ZDHHC8: variants seen among roughly 807,000 people sequenced by gnomAD.
The protein encoded by ZDHHC8 is palmitoyltransferase ZDHHC8.
A neutral mutation model predicts 61.2 loss-of-function variants in ZDHHC8; 24 were observed. The observed-to-expected ratio is 0.39, with a 90% CI of 0.28 to 0.55. The LOEUF (loss-of-function observed/expected upper bound fraction) is 0.55. Among genes scored for constraint, ZDHHC8 ranks in the 20% least tolerant of loss-of-function variants. The pLI is 0.60. For missense variants in ZDHHC8, 935 were observed against 1,102.1 expected (o/e 0.85, Z 2.15); for synonymous variants, 523 against 492.5 (o/e 1.06, Z -0.82).
At chr22:20,139,937 C>T (rs374432687) in intron 4 of ZDHHC8, 45 bp downstream of exon 4, 37 of 1,601,496 alleles carry the variant, frequency 2.3e-5, no homozygotes, top group African/African-American at 2.3e-4. Flanking sequence ...CGATGTGGAC[C>T]GGGGACACGT....
rs570802394 is a variant in ZDHHC8 at position 20,142,580 on chromosome 22, C to T, written c.1126-176C>T. Among the ~76,000 whole-genome samples the T allele has an allele frequency of 2.0e-5, 3 of 152,318 alleles. No individual in the cohort carries two copies. In the South Asian group the frequency reaches 6.2e-4, roughly 32 times the overall value. ...TGGCCTCCCTCCTGTTGCAGAGCCC[C>T]TGCCCCTCAGCCGTGGATGCTCAGG... On this transcript the variant is annotated intron_variant, in intron 9 of 10. Coordinates refer to ENST00000334554, the MANE Select transcript of ZDHHC8 (RefSeq NM_013373.4).
At position 20,139,471 on chromosome 22, in the gene ZDHHC8, T is replaced by G; in HGVS notation, c.227-7T>G. The G allele has an allele frequency of 6.2e-7, 1 of 1,613,254 alleles. No homozygotes were observed. The highest frequency in any genetic ancestry group is 8.5e-7 in the Non-Finnish European group (1 of 1,179,704). ...TTCCTGCTCACTGCCTGGCTCCTGG[T>G]CTGTAGCGGATGAGGATGAGGACAA... On this transcript the variant is annotated splice_region_variant and splice_polypyrimidine_tract_variant and intron_variant, in intron 2 of 10. Transcript: ENST00000334554.
In ZDHHC8 at chr22:20,139,267, G is replaced by A. The variant is rs867966217; in HGVS notation, c.178G>A (p.Ala60Thr). The A allele has an allele frequency of 1.2e-6, 2 of 1,613,828 alleles. No homozygotes were observed. ...TGGCATCATCTTCCTCTTTGTCCTG[G>A]CCAACTTCAGCATGGCCACTTTCAT... ...YNGIIFLFVL[A>T]NFSMATFMDP... The change falls in exon 2 of 11, where the codon GCC becomes ACC. Residue 60 changes from alanine to threonine, a missense_variant. By Grantham distance (58) the Ala-to-Thr change is moderately conservative (BLOSUM62 0). This residue lies in a region of ZDHHC8 where 199 missense variants were observed against 334.0 expected (regional missense o/e 0.60). Transcript: ENST00000334554.
rs1489502718 is a variant in ZDHHC8 at position 20,147,198 on chromosome 22, C to T, written c.*1798C>T. Reference sequence around the variant, plus strand: ...CCATGTGCCGCCTGCACTTGGCTGCCTCCAGTCTTTTCCCCAGCCTCTCGG... The same window carrying T: ...CCATGTGCCGCCTGCACTTGGCTGCTTCCAGTCTTTTCCCCAGCCTCTCGG... On this transcript the variant is annotated 3_prime_UTR_variant, in exon 11 of 11. Transcript: ENST00000334554. The T allele has an allele frequency of 1.9e-5, 28 of 1,506,292 alleles. No homozygotes were observed. Among genetic ancestry groups the T allele is most frequent in the South Asian group, 2.5e-5 (2 of 79,440 alleles). The allele number at this position is 1,506,292 out of a possible 1,614,324, so 93.3% of individuals were successfully genotyped here. A position where few individuals can be genotyped will look rare whatever the true frequency, so the allele number is the denominator to read the frequency against.
At chr22:20,135,815 A>G (rs2050414754) in intron 1 of ZDHHC8, among the ~76,000 whole-genome samples, 1 of 152,256 alleles carries the variant, frequency 6.6e-6, no homozygotes, top group African/African-American at 2.4e-5. Flanking sequence ...GCCTGGCCTG[A>G]CAAGGGCGCA....
intron 4 of ZDHHC8, 36 bp downstream of exon 4, chr22:20,139,928 G>A (rs751039014): frequency 6.2e-6 from 10 of 1,603,970 alleles, no homozygotes; most frequent in African/African-American, 4.0e-5. Context: ...TTGCAGAGGC[G>A]ATGTGGACCG....
Position 20,142,963 on chromosome 22 carries a change from C to A in ZDHHC8, c.1333C>A (p.His445Asn). ...LKASSRRGGD[H>N]VALQPLRSEG... ...GGCCTCGAGCCGGCGGGGCGGGGAT[C>A]ATGTGGCCCTGCAGCCCCTGCGCTC... The change falls in exon 10 of 11, where the codon CAT (histidine) becomes AAT (asparagine). Residue 445 changes from histidine (H) to asparagine (N), a missense_variant. Physicochemically the swap from His to Asn is moderately conservative, Grantham distance 68. Transcript: ENST00000334554. 6.2e-7 allele frequency: 1 copy of A among 1,601,442 alleles called. No homozygotes were observed. Among genetic ancestry groups the A allele is most frequent in the South Asian group, 1.1e-5 (1 of 90,338 alleles).
In ZDHHC8 at chr22:20,139,630, G is replaced by A. The variant is rs761592697; in HGVS notation, c.379G>A (p.Val127Ile). ...CSHCSVCDNC[V>I]EDFDHHCPWV... ...CCACTGCAGCGTCTGTGACAACTGT[G>A]TAGAGGTGACCGCCCTGCTGCCCCG... Residue 127 changes from valine to isoleucine, a missense_variant, in exon 3 of 11, where the codon GTA becomes ATA. Physicochemically the swap from Val to Ile is conservative, Grantham distance 29. Around this residue, in one of 3 missense-constraint regions of ZDHHC8, gnomAD observed 199 missense variants for 334.0 expected, o/e 0.60. Coordinates refer to ENST00000334554, the MANE Select transcript of ZDHHC8 (RefSeq NM_013373.4). 6.2e-7 allele frequency: 1 copy of A among 1,612,916 alleles called. No homozygotes were observed. Among genetic ancestry groups the A allele is most frequent in the Non-Finnish European group, 8.5e-7 (1 of 1,179,970 alleles).
chr22:20,133,721 C>CAAA (rs34467871), intron 1 of ZDHHC8, among the ~76,000 whole-genome samples: 1 of 72,618 alleles, frequency 1.4e-5, no homozygotes, highest in Admixed American at 1.5e-4. Context: ...GACTCTGTCT[C>CAAA]AAAAAAAAAA....
In ZDHHC8 at chr22:20,146,877, G is replaced by T. The variant is rs1346575410; in HGVS notation, c.*1477G>T. The T allele has an allele frequency of 1.6e-5, 21 of 1,285,064 alleles. No individual in the cohort carries two copies. The East Asian group carries it at 5.4e-4, about 33-fold the overall frequency. The allele number at this position is 1,285,064 out of a possible 1,614,324, so 79.6% of individuals were successfully genotyped here. A position where few individuals can be genotyped will look rare whatever the true frequency, so the allele number is the denominator to read the frequency against. On this transcript the variant is annotated 3_prime_UTR_variant, in exon 11 of 11. Transcript: ENST00000334554. The stretch of plus-strand genomic sequence containing the variant: ...CCTGCCACATGCCAGGGGCAGGGCT[G>T]AGGGAGTGTGAGGGATGCACAGCTG...
intron 1 of ZDHHC8, among the ~76,000 whole-genome samples, chr22:20,137,932 G>A (rs2050435150): frequency 6.6e-6 from 1 of 152,260 alleles, no homozygotes; most frequent in Non-Finnish European, 1.5e-5. Flanking sequence ...CTACCTCCAC[G>A]GGCTGGGCCC....
intron 1 of ZDHHC8, among the ~76,000 whole-genome samples, chr22:20,138,544 G>C (rs942225228): frequency 6.6e-6 from 1 of 152,230 alleles, no homozygotes; most frequent in African/African-American, 2.4e-5. Context: ...CGGAAGAGGG[G>C]GTGGCCTTGG....
intron 10 of ZDHHC8, among the ~76,000 whole-genome samples, chr22:20,143,958 C>T (rs1306121973): frequency 2.6e-5 from 4 of 152,204 alleles, no homozygotes; most frequent in East Asian, 1.9e-4. Flanking sequence ...GTCCTGGGCA[C>T]GCTCTGGGGA....
chr22:20,138,196 G>C (rs1046008098), intron 1 of ZDHHC8, among the ~76,000 whole-genome samples: 17 of 152,250 alleles, frequency 1.1e-4, no homozygotes, highest in African/African-American at 4.1e-4. Flanking sequence ...CAGGGCTGCT[G>C]TGGGGGATCC....
At chr22:20,135,106 A>ATTTTTTGT (rs1326653185) in intron 1 of ZDHHC8, among the ~76,000 whole-genome samples, 188 of 151,304 alleles carry the variant, frequency 1.2e-3, no homozygotes, top group African/African-American at 4.0e-3. Flanking sequence ...TAATTTATTT[A>ATTTTTTGT]TTTTTTGTTT....
Position 20,140,902 on chromosome 22 carries a change from G to A in ZDHHC8, c.784G>A (p.Ala262Thr), listed in dbSNP as rs746580985. ...YVVEPPRLPL[A>T]VSLKPPFLRP... Reference sequence around the variant, plus strand: ...GGTGGAGCCACCCCGGCTGCCGCTCGCGGTGAGTTTGAAGCCGCCTTTCCT... The same window carrying A: ...GGTGGAGCCACCCCGGCTGCCGCTCACGGTGAGTTTGAAGCCGCCTTTCCT... Residue 262 changes from alanine to threonine, a missense_variant, in exon 7 of 11, where the codon GCG becomes ACG. Coordinates refer to ENST00000334554, the MANE Select transcript of ZDHHC8 (RefSeq NM_013373.4). 6.2e-6 allele frequency: 10 copies of A among 1,605,436 alleles called. No individual in the cohort carries two copies. Among genetic ancestry groups the A allele is most frequent in the Admixed American group, 1.7e-5 (1 of 60,030 alleles).
chr22:20,137,667 C>T (rs1041806014), intron 1 of ZDHHC8, among the ~76,000 whole-genome samples: 33 of 152,284 alleles, frequency 2.2e-4, no homozygotes, highest in Admixed American at 2.0e-3. Flanking sequence ...GAGAGCTCCA[C>T]AGGCCCTGCC....
chr22:20,141,567 C>T, intron 9 of ZDHHC8, 37 bp downstream of exon 9: 2 of 1,544,392 alleles, frequency 1.3e-6, no homozygotes, highest in Non-Finnish European at 8.8e-7. Flanking sequence ...CAGGCCTCGT[C>T]CCCCAGGCCC....
chr22:20,134,819 G>T (rs938329516), intron 1 of ZDHHC8, among the ~76,000 whole-genome samples: 2 of 152,190 alleles, frequency 1.3e-5, no homozygotes, highest in Non-Finnish European at 1.5e-5. Context: ...CTCTAGGAGG[G>T]TCTGGGCATG....
Sources: allele counts gnomAD v4.1 joint callset (sites outside exome capture counted in the v4.1 genomes callset), GRCh38; gene constraint gnomAD v4.1.1; regional missense constraint gnomAD v4.1.1; transcripts MANE v1.5; gene names NCBI Gene and HGNC (gene_info 2026-07-23, HGNC 2026-07-21).